The following CDCP1 variants were observed in gnomAD, a reference collection of about 807,000 sequenced individuals.
CDCP1 encodes CUB domain-containing protein 1.
Under a neutral mutation model 60.2 loss-of-function variants are expected in CDCP1, and 29 were observed. The ratio of observed to expected loss-of-function variants is 0.48; its 90% CI spans 0.36 to 0.66. CDCP1 has a LOEUF of 0.66. CDCP1 is among the 30% of genes least tolerant of loss of function. The pLI, the probability that CDCP1 is intolerant of heterozygous loss-of-function variation, is 0.00. For synonymous variants in CDCP1, 387 were observed against 431.1 expected (o/e 0.90, Z 1.27); for missense variants, 876 against 1,074.3 (o/e 0.82, Z 2.58).
chr3:45,124,184 A>G (rs868858327), intron 1 of CDCP1, among the ~76,000 whole-genome samples: 11 of 152,052 alleles, frequency 7.2e-5, no homozygotes, highest in South Asian at 6.2e-4. Flanking sequence ...CTGCCATCCT[A>G]TTTCTTTGCA....
At chr3:45,100,900 G>A (rs984780303) in intron 4 of CDCP1, among the ~76,000 whole-genome samples, 1 of 152,190 alleles carries the variant, frequency 6.6e-6, no homozygotes, top group Non-Finnish European at 1.5e-5. Flanking sequence ...ATCCTTGAGG[G>A]AGTGTGTAAA....
rs34539415 is a variant in CDCP1 at position 45,141,200 on chromosome 3, C to CAA, written c.82+5004_82+5005dup. ...TGGGCAACAGAGTAAGACTCCGTCT[C>CAA]AAAAAAAAAAAGAATGTCAGGATCA... On this transcript the variant is annotated intron_variant, in intron 1 of 8. Coordinates refer to ENST00000296129, the MANE Select transcript of CDCP1 (RefSeq NM_022842.5). Among the ~76,000 whole-genome samples the CAA allele has an allele frequency of 9.7e-5, 14 of 144,846 alleles. No individual in the cohort carries two copies. The South Asian group carries it at 1.3e-3, about 13-fold the overall frequency.
Position 45,101,416 on chromosome 3 carries a change from A to G in CDCP1, c.1025-5848T>C, listed in dbSNP as rs550590991. 6.6e-5 allele frequency among the ~76,000 whole-genome samples: 10 copies of G among 152,274 alleles called. No homozygotes were observed. In the South Asian group the frequency reaches 1.7e-3, roughly 25 times the overall value. ...GATGTTCACTGCTTCCCTGGACCCA[A>G]CTGCCTCTCCTCTAGCCTGGTGGTT... is the stretch of plus-strand genomic sequence containing the variant. On this transcript the variant is annotated intron_variant, in intron 4 of 8. Transcript: ENST00000296129.
intron 1 of CDCP1, among the ~76,000 whole-genome samples, chr3:45,126,613 A>G (rs1339887598): frequency 6.6e-6 from 1 of 152,188 alleles, no homozygotes; most frequent in African/African-American, 2.4e-5. Flanking sequence ...CTACCTGGAA[A>G]TAGTTCATTT....
In CDCP1 at chr3:45,146,361, G is replaced by T; in HGVS notation, c.-74C>A. The T allele has an allele frequency of 2.2e-6, 3 of 1,333,434 alleles. No individual in the cohort carries two copies. Among genetic ancestry groups the T allele is most frequent in the Non-Finnish European group, 2.0e-6 (2 of 990,764 alleles). The allele number at this position is 1,333,434 out of a possible 1,614,324, so 82.6% of individuals were successfully genotyped here. A position where few individuals can be genotyped will look rare whatever the true frequency, so the allele number is the denominator to read the frequency against. On this transcript the variant is annotated 5_prime_UTR_variant, in exon 1 of 9. Transcript: ENST00000296129. The stretch of plus-strand genomic sequence containing the variant: ...GCGGCCCCAGGCGCCCAAGCCCGGC[G>T]CAGCTGCGCTCCGCCCTGGCTCACT...
chr3:45,127,024 C>T (rs1348836372), intron 1 of CDCP1, among the ~76,000 whole-genome samples: 1 of 152,134 alleles, frequency 6.6e-6, no homozygotes, highest in East Asian at 1.9e-4. Flanking sequence ...CACACACAAC[C>T]AGGAACTTTC....
Position 45,095,350 on chromosome 3 carries a change from T to C in CDCP1, c.1243A>G (p.Ile415Val), listed in dbSNP as rs763088238. 2 of 1,613,960 alleles carry C rather than the reference T, an allele frequency of 1.2e-6. No homozygotes were observed. The highest frequency in any genetic ancestry group is 1.7e-6 in the Non-Finnish European group (2 of 1,179,792). The change falls in exon 5 of 9, where the codon ATA (isoleucine) becomes GTA (valine). Residue 415 changes from isoleucine (I) to valine (V), a missense_variant. Ile to Val is a conservative substitution (Grantham distance 29). Coordinates refer to ENST00000296129, the MANE Select transcript of CDCP1 (RefSeq NM_022842.5). ...ATGCACTGATTCAGGGGCGTACTTA[T>C]GGTTTTTTCCACATTCATCCACAGA... is the stretch of plus-strand genomic sequence containing the variant. ...TRLWMNVEKT[I>V]SCTDHRYCQR...
chr3:45,097,330 G>A (rs34421071), intron 4 of CDCP1, among the ~76,000 whole-genome samples: 24,539 of 150,786 alleles, frequency 0.16, 2,144 homozygotes, highest in Middle Eastern at 0.22. Flanking sequence ...AAGAAAGAAA[G>A]AAAAGAAAAG....
Position 45,128,461 on chromosome 3 carries a change from C to T in CDCP1, c.83-9840G>A, listed in dbSNP as rs148709834. ...GGGCTCAAGAGACATCAGGGTCCCA[C>T]CCCCTCAGTGAGAGAGACACAAAGT... On this transcript the variant is annotated intron_variant, in intron 1 of 8. Coordinates refer to ENST00000296129, the MANE Select transcript of CDCP1 (RefSeq NM_022842.5). Among the ~76,000 whole-genome samples, 33 of 152,316 alleles carry T rather than the reference C, an allele frequency of 2.2e-4. 1 individual carries two copies. The East Asian group carries it at 5.6e-3, about 26-fold the overall frequency.
chr3:45,087,903 TC>T (rs1442157881), intron 8 of CDCP1, among the ~76,000 whole-genome samples: 1 of 151,954 alleles, frequency 6.6e-6, no homozygotes, highest in Non-Finnish European at 1.5e-5. Context: ...GTGCCTGTAG[TC>T]CCAGCTACTC....
At chr3:45,111,548 C>A (rs529941205) in intron 3 of CDCP1, among the ~76,000 whole-genome samples, 1 of 152,096 alleles carries the variant, frequency 6.6e-6, no homozygotes, top group East Asian at 1.9e-4. Context: ...TGGTGGCGCA[C>A]GACTATAGTC....
chr3:45,113,993 T>C (rs1047792094), intron 2 of CDCP1, among the ~76,000 whole-genome samples: 1 of 152,192 alleles, frequency 6.6e-6, no homozygotes, highest in Non-Finnish European at 1.5e-5. Context: ...TGTGGAAACA[T>C]TTAACTCTAG....
chr3:45,123,139 T>C (rs1179006818), intron 1 of CDCP1, among the ~76,000 whole-genome samples: 1 of 152,220 alleles, frequency 6.6e-6, no homozygotes, highest in Non-Finnish European at 1.5e-5. Context: ...CTACTTCTGT[T>C]GTTTCTATTT....
At chr3:45,113,525 A>G (rs557178548) in intron 2 of CDCP1, among the ~76,000 whole-genome samples, 19 of 152,342 alleles carry the variant, frequency 1.2e-4, no homozygotes, top group Admixed American at 3.3e-4. Flanking sequence ...GTGAATCTTT[A>G]CTGCTGTTCT....
chr3:45,136,478 T>C (rs556397647), intron 1 of CDCP1, among the ~76,000 whole-genome samples: 1 of 152,356 alleles, frequency 6.6e-6, no homozygotes, highest in South Asian at 2.1e-4. Context: ...CTCTTATAGG[T>C]GATCTCCAGT....
At chr3:45,134,716 A>C (rs1035063042) in intron 1 of CDCP1, among the ~76,000 whole-genome samples, 1 of 152,202 alleles carries the variant, frequency 6.6e-6, no homozygotes, top group African/African-American at 2.4e-5. Flanking sequence ...GGTCAATAAC[A>C]TGATTCCACA....
chr3:45,111,759 C>G (rs1698696915), intron 3 of CDCP1, among the ~76,000 whole-genome samples: 1 of 152,158 alleles, frequency 6.6e-6, no homozygotes. Flanking sequence ...GATACGTTTA[C>G]AGAAAATGTG....
chr3:45,144,037 G>C (rs1442441182), intron 1 of CDCP1, among the ~76,000 whole-genome samples: 1 of 152,186 alleles, frequency 6.6e-6, no homozygotes, highest in African/African-American at 2.4e-5. Context: ...TCTGGTATCT[G>C]AGTGGTTCTT....
rs1285777271 is a variant in CDCP1 at position 45,086,029 on chromosome 3, T to C, written c.2120A>G (p.Tyr707Cys). The C allele has an allele frequency of 7.4e-6, 12 of 1,614,228 alleles. No individual in the cohort carries two copies. The highest frequency in any genetic ancestry group is 1.0e-5 in the Non-Finnish European group (12 of 1,180,044). ...KTNKGPAVGI[Y>C]NDNINTEMPR... ...CATCTCAGTATTGATGTTGTCATTG[T>C]AGATACCCACAGCGGGGCCCTTGTT... Residue 707 changes from tyrosine to cysteine, a missense_variant, in exon 9 of 9, where the codon TAC (tyrosine) becomes TGC (cysteine). Around this residue, in one of 2 missense-constraint regions of CDCP1, gnomAD observed 726 missense variants for 935.7 expected, o/e 0.78. Coordinates refer to ENST00000296129, the MANE Select transcript of CDCP1 (RefSeq NM_022842.5).
Sources: gnomAD v4.1 joint callset for allele counts (sites outside exome capture counted in the v4.1 genomes callset) on GRCh38, gnomAD v4.1.1 for gene constraint, gnomAD v4.1.1 regional missense constraint, MANE v1.5 for transcripts, NCBI Gene and HGNC (gene_info 2026-07-23, HGNC 2026-07-21) for gene names.